PNKD: variants seen among roughly 807,000 people sequenced by gnomAD.
PNKD encodes PNKD metallo-beta-lactamase domain containing, also known as probable thioesterase PNKD.
In PNKD, 36 loss-of-function variants were observed where a neutral mutation model predicts 45.3. The observed-to-expected ratio is 0.80, with a 90% CI of 0.61 to 1.05. The LOEUF (loss-of-function observed/expected upper bound fraction) is 1.05, where lower values mean the gene tolerates loss of function less well. Ranked by LOEUF, PNKD falls within the 50% of genes least tolerant of loss-of-function variation. PNKD has a pLI of 0.00. For synonymous variants in PNKD, 197 were observed against 210.1 expected (o/e 0.94, Z 0.54); for missense variants, 511 against 506.6 (o/e 1.01, Z -0.08).
chr2:218,306,116 G>A (rs545327701), intron 2 of PNKD, among the ~76,000 whole-genome samples: 1 of 152,298 alleles, frequency 6.6e-6, no homozygotes, highest in South Asian at 2.1e-4. Context: ...AGTGATCAGG[G>A]CAGGCTGGCA....
In PNKD at chr2:218,309,863, A is replaced by T. The variant is rs1693549026; in HGVS notation, c.237-29920A>T. On this transcript the variant is annotated intron_variant, in intron 2 of 9. Transcript: ENST00000273077. ...GGGAGGAGAATCGCTTGAACCTGGG[A>T]GGCGGAGGCTGCGGTGAGCCGAGAT... 2.0e-5 allele frequency among the ~76,000 whole-genome samples: 3 copies of T among 151,406 alleles called. No individual in the cohort carries two copies. In the South Asian group the frequency reaches 6.3e-4, roughly 32 times the overall value.
At position 218,281,957 on chromosome 2, in the gene PNKD, G is replaced by A. The variant is rs779972756; in HGVS notation, c.236+10408G>A. 1.2e-5 allele frequency: 19 copies of A among 1,599,612 alleles called. No homozygotes were observed. The highest frequency in any genetic ancestry group is 6.8e-5 in the Admixed American group (4 of 58,422). ...GGACTCACCGTAGTTCATGGGCATC[G>A]GGTGGGTGGGGGGCATGGGCTGTGG... On this transcript the variant is annotated intron_variant, in intron 2 of 9. Coordinates refer to ENST00000273077, the MANE Select transcript of PNKD (RefSeq NM_015488.5).
intron 2 of PNKD, among the ~76,000 whole-genome samples, chr2:218,289,496 G>A (rs888612881): frequency 1.3e-5 from 2 of 151,952 alleles, no homozygotes; most frequent in African/African-American, 4.8e-5. Flanking sequence ...ACAAAAATTA[G>A]CCGGGCATGG....
At chr2:218,302,869 T>A (rs901813415) in intron 2 of PNKD, among the ~76,000 whole-genome samples, 1 of 152,154 alleles carries the variant, frequency 6.6e-6, no homozygotes, top group African/African-American at 2.4e-5. Flanking sequence ...TAGGTAGATT[T>A]AAAAATTTTC....
At chr2:218,273,744 G>A (rs976664430) in intron 2 of PNKD, among the ~76,000 whole-genome samples, 8 of 149,838 alleles carry the variant, frequency 5.3e-5, no homozygotes, top group East Asian at 2.0e-4. Flanking sequence ...CCCCCCCACC[G>A]CCCTCGGCCT....
chr2:218,330,492 G>A (rs1304522460), intron 2 of PNKD, among the ~76,000 whole-genome samples: 2 of 152,186 alleles, frequency 1.3e-5, no homozygotes, highest in African/African-American at 2.4e-5. Flanking sequence ...GCAAGGAGTG[G>A]AAGGTGCACT....
intron 2 of PNKD, among the ~76,000 whole-genome samples, chr2:218,273,794 G>C (rs547106414): frequency 6.6e-6 from 1 of 152,136 alleles, no homozygotes; most frequent in African/African-American, 2.4e-5. Context: ...CACCGCACCA[G>C]GCCCAGTTTC....
intron 2 of PNKD, among the ~76,000 whole-genome samples, chr2:218,296,813 G>A (rs1315698679): frequency 1.3e-5 from 2 of 152,004 alleles, no homozygotes; most frequent in African/African-American, 2.4e-5. Flanking sequence ...GAGTAGCTGA[G>A]ATTACAGGCG....
chr2:218,320,891 A>T (rs185895278), intron 2 of PNKD, among the ~76,000 whole-genome samples: 25 of 152,254 alleles, frequency 1.6e-4, no homozygotes, highest in Non-Finnish European at 2.1e-4. Flanking sequence ...AGGAAGTGAA[A>T]CTAAAGCCCA....
chr2:218,277,401 A>AT, intron 2 of PNKD: 1 of 1,614,148 alleles, frequency 6.2e-7, no homozygotes, highest in Non-Finnish European at 8.5e-7. Context: ...ACTGAAATGG[A>AT]TACCACCGCA....
chr2:218,338,764 G>A (rs1694576529), intron 2 of PNKD, among the ~76,000 whole-genome samples: 4 of 149,972 alleles, frequency 2.7e-5, no homozygotes, highest in Admixed American at 2.7e-4. Flanking sequence ...GATTACAGGC[G>A]TGAGACACCA....
chr2:218,310,368 A>T (rs1395059340), intron 2 of PNKD, among the ~76,000 whole-genome samples: 1 of 148,074 alleles, frequency 6.8e-6, no homozygotes, highest in Non-Finnish European at 1.5e-5. Flanking sequence ...GATTACAGGC[A>T]CCCGCCACCA....
At chr2:218,272,380 G>A (rs1299567594) in intron 2 of PNKD, among the ~76,000 whole-genome samples, 3 of 152,214 alleles carry the variant, frequency 2.0e-5, no homozygotes, top group Admixed American at 6.5e-5. Context: ...ATGGAGTTAC[G>A]GGGTTTTAAG....
In PNKD at chr2:218,345,443, C is replaced by T. The variant is rs1694804023; in HGVS notation, c.*462C>T. The T allele has an allele frequency of 6.1e-6, 1 of 163,520 alleles. No homozygotes were observed. Among genetic ancestry groups the T allele is most frequent in the South Asian group, 1.7e-4 (1 of 5,872 alleles). The allele number at this position is 163,520 out of a possible 1,614,324, so 10.1% of individuals were successfully genotyped here. ...CTCACAGTGGCCTCAAGTGTGATGCCTTACAAAAGCACCACTCAGATGGGC... is the reference window on the plus strand; with the variant it reads ...CTCACAGTGGCCTCAAGTGTGATGCTTTACAAAAGCACCACTCAGATGGGC... On this transcript the variant is annotated 3_prime_UTR_variant, in exon 10 of 10. Coordinates refer to ENST00000273077, the MANE Select transcript of PNKD (RefSeq NM_015488.5).
chr2:218,340,974 C>A lies in PNKD; in HGVS notation c.524+188C>A, dbSNP rs1052085631. On this transcript the variant is annotated intron_variant, in intron 5 of 9. Transcript: ENST00000273077. The surrounding 1 kb of genome is among the most constrained non-coding windows in gnomAD (Gnocchi z 4.2). ...GACAGTCTCCCACCACTCCATTGAT[C>A]AAGCTTCTGAAGCCCCAGAGGGCAG... The A allele has an allele frequency of 9.4e-6, 6 of 640,782 alleles. No homozygotes were observed. The highest frequency in any genetic ancestry group is 1.7e-5 in the Non-Finnish European group (6 of 356,406). 39.7% of individuals were successfully genotyped at this position (640,782 alleles called of 1,614,324 possible).
At chr2:218,328,390 G>A (rs1694217955) in intron 2 of PNKD, among the ~76,000 whole-genome samples, 1 of 152,084 alleles carries the variant, frequency 6.6e-6, no homozygotes, top group African/African-American at 2.4e-5. Flanking sequence ...CCTCACCCCT[G>A]CACCCTGTCC....
chr2:218,335,256 C>T (rs950377625), intron 2 of PNKD, among the ~76,000 whole-genome samples: 1 of 152,062 alleles, frequency 6.6e-6, no homozygotes, highest in African/African-American at 2.4e-5. Flanking sequence ...CTGAGGCAGG[C>T]AGATCACCTG....
chr2:218,299,513 T>C (rs1166060136), intron 2 of PNKD, among the ~76,000 whole-genome samples: 3 of 152,204 alleles, frequency 2.0e-5, no homozygotes, highest in Non-Finnish European at 4.4e-5. Context: ...GAAGCAGTCA[T>C]GGCTCTCTGC....
At chr2:218,292,513 C>T (rs1032724250) in intron 2 of PNKD, 1 of 152,098 alleles carries the variant, frequency 6.6e-6, no homozygotes, top group Non-Finnish European at 1.5e-5. Flanking sequence ...TGTTGCAAGT[C>T]CTCCGGGGCC....
Sources: allele counts gnomAD v4.1 joint callset (sites outside exome capture counted in the v4.1 genomes callset), GRCh38; gene constraint gnomAD v4.1.1; non-coding constraint Gnocchi (gnomAD v3.1); transcripts MANE v1.5; gene names NCBI Gene and HGNC (gene_info 2026-07-23, HGNC 2026-07-21).